Variants in ANKS1B observed in about 807,000 individuals in gnomAD.
The protein encoded by ANKS1B is ankyrin repeat and sterile alpha motif domain containing 1B, also known as ankyrin repeat and sterile alpha motif domain-containing protein 1B.
Under a neutral mutation model 148.3 loss-of-function variants are expected in ANKS1B, and 36 were observed. That is an observed-to-expected ratio of 0.24 (90% confidence interval 0.19 to 0.32). ANKS1B has a LOEUF of 0.32. Among genes scored for constraint, ANKS1B ranks in the 10% least tolerant of loss-of-function variants. The probability of loss-of-function intolerance (pLI) is 1.00; values close to 1 mark genes in which losing one functional copy is unlikely to be tolerated. For synonymous variants in ANKS1B, 542 were observed against 560.8 expected, an observed-to-expected ratio of 0.97 and a Z score of 0.47; for missense variants, 1,157 against 1,542.6, an observed-to-expected ratio of 0.75 and a Z score of 4.19.
At chr12:99,950,416 C>A (rs960891116) in intron 1 of ANKS1B, among the ~76,000 whole-genome samples, 5 of 151,992 alleles carry the variant, frequency 3.3e-5, no homozygotes, top group African/African-American at 1.2e-4. Context: ...ATCCTCCCCA[C>A]TCTCCTTCCC....
In ANKS1B at chr12:99,247,409, T is replaced by C. The variant is rs567509015; in HGVS notation, c.1757-545A>G. Reference sequence around the variant, plus strand: ...TATTACCTTAAATATAAATTTAAAATAATTCTATGCAGATTACATAATTTA... The same window carrying C: ...TATTACCTTAAATATAAATTTAAAACAATTCTATGCAGATTACATAATTTA... On this transcript the variant is annotated intron_variant, in intron 12 of 26. Transcript: ENST00000683438. 7.9e-5 allele frequency among the ~76,000 whole-genome samples: 12 copies of C among 152,322 alleles called. No individual in the cohort carries two copies. The East Asian group carries it at 2.1e-3, about 27-fold the overall frequency.
chr12:99,073,040 T>C (rs2046746744), intron 16 of ANKS1B, among the ~76,000 whole-genome samples: 1 of 152,242 alleles, frequency 6.6e-6, no homozygotes, highest in Non-Finnish European at 1.5e-5. Context: ...CTACCTTTTT[T>C]CTTGGTTCAG....
chr12:99,648,486 C>T (rs767840757), intron 9 of ANKS1B: 53 of 1,613,922 alleles, frequency 3.3e-5, no homozygotes, highest in Non-Finnish European at 4.3e-5. Flanking sequence ...GTCCTGCCAC[C>T]CAGAAAAGAG....
chr12:99,191,654 T>C (rs926616093), intron 14 of ANKS1B, among the ~76,000 whole-genome samples: 8 of 151,944 alleles, frequency 5.3e-5, no homozygotes, highest in Non-Finnish European at 1.2e-4. Flanking sequence ...TGAGAACACA[T>C]GGACACAGGG....
At chr12:99,927,519 T>A (rs147949854) in intron 1 of ANKS1B, among the ~76,000 whole-genome samples, 1 of 152,210 alleles carries the variant, frequency 6.6e-6, no homozygotes, top group African/African-American at 2.4e-5. Context: ...CTAGGAAGAA[T>A]GTCTCTTTGC....
At chr12:98,888,027 A>G (rs1215753337) in intron 17 of ANKS1B, among the ~76,000 whole-genome samples, 1 of 152,254 alleles carries the variant, frequency 6.6e-6, no homozygotes, top group Non-Finnish European at 1.5e-5. Context: ...TTATAGAAAG[A>G]TGCCTTAAAT....
intron 1 of ANKS1B, among the ~76,000 whole-genome samples, chr12:99,866,025 T>C (rs1442954782): frequency 1.3e-5 from 2 of 152,166 alleles, no homozygotes; most frequent in African/African-American, 4.8e-5. Context: ...AGCTTAAGAA[T>C]GGAAAAGGAT....
chr12:99,570,785 A>G (rs984786862), intron 9 of ANKS1B, among the ~76,000 whole-genome samples: 8 of 152,140 alleles, frequency 5.3e-5, no homozygotes, highest in Admixed American at 2.6e-4. Flanking sequence ...GAATATTAAT[A>G]TACTTTATAA....
At chr12:99,478,502 T>G (rs1396832451) in intron 10 of ANKS1B, among the ~76,000 whole-genome samples, 1 of 152,072 alleles carries the variant, frequency 6.6e-6, no homozygotes, top group African/African-American at 2.4e-5. Context: ...TAAGAATGGC[T>G]TCTAGGAATA....
At chr12:99,297,610 CA>C (rs2081056759) in intron 12 of ANKS1B, among the ~76,000 whole-genome samples, 1 of 152,148 alleles carries the variant, frequency 6.6e-6, no homozygotes, top group Admixed American at 6.6e-5. Flanking sequence ...GGAAAAGTCA[CA>C]ACTGAAGAGA....
At chr12:99,461,083 G>A (rs1452228563) in intron 10 of ANKS1B, among the ~76,000 whole-genome samples, 1 of 151,256 alleles carries the variant, frequency 6.6e-6, no homozygotes, top group Non-Finnish European at 1.5e-5. Context: ...CACACACCAT[G>A]GAATACTACT....
chr12:99,040,268 G>A, intron 17 of ANKS1B, among the ~76,000 whole-genome samples: 1 of 151,462 alleles, frequency 6.6e-6, no homozygotes, highest in Non-Finnish European at 1.5e-5. Context: ...CTCTCTATGT[G>A]CGTGTGCGTG....
intron 17 of ANKS1B, among the ~76,000 whole-genome samples, chr12:98,993,633 C>T (rs1474762910): frequency 6.6e-6 from 1 of 152,132 alleles, no homozygotes; most frequent in Non-Finnish European, 1.5e-5. Context: ...TGAACACAAG[C>T]GGCTTTCGAA....
At chr12:99,765,845 C>G (rs960419248) in intron 8 of ANKS1B, among the ~76,000 whole-genome samples, 1 of 152,120 alleles carries the variant, frequency 6.6e-6, no homozygotes, top group Non-Finnish European at 1.5e-5. Context: ...CTATGGCTGA[C>G]AGAAAGCCAG....
At chr12:99,178,809 G>A (rs1367531892) in intron 14 of ANKS1B, among the ~76,000 whole-genome samples, 2 of 152,104 alleles carry the variant, frequency 1.3e-5, no homozygotes, top group East Asian at 3.9e-4. Flanking sequence ...TTTTAGACGT[G>A]CTTTAAATAA....
chr12:99,649,162 T>C (rs906442292), intron 9 of ANKS1B: 4 of 769,696 alleles, frequency 5.2e-6, no homozygotes, highest in African/African-American at 5.1e-5. Flanking sequence ...TTGCCACTTA[T>C]ATACATTGGT....
intron 17 of ANKS1B, among the ~76,000 whole-genome samples, chr12:99,044,849 C>T (rs1269653096): frequency 1.3e-5 from 2 of 152,146 alleles, no homozygotes; most frequent in African/African-American, 2.4e-5. Flanking sequence ...TTTTTATCCT[C>T]TATTTACAAA....
chr12:99,355,523 C>T (rs2091891596), intron 12 of ANKS1B, among the ~76,000 whole-genome samples: 1 of 152,084 alleles, frequency 6.6e-6, no homozygotes, highest in Admixed American at 6.6e-5. Flanking sequence ...ATTAGATAAG[C>T]CTCACTGCCC....
intron 11 of ANKS1B, among the ~76,000 whole-genome samples, chr12:99,407,797 A>G (rs2094567004): frequency 6.9e-6 from 1 of 145,952 alleles, no homozygotes; most frequent in African/African-American, 2.6e-5. Flanking sequence ...TAACCAAAGA[A>G]GTAAAAGAGC....
Sources: allele counts gnomAD v4.1 joint callset (sites outside exome capture counted in the v4.1 genomes callset), GRCh38; gene constraint gnomAD v4.1.1; transcripts MANE v1.5; gene names NCBI Gene and HGNC (gene_info 2026-07-23, HGNC 2026-07-21).